Variants in DVL2 observed in about 807,000 individuals in gnomAD.
The protein encoded by DVL2 is dishevelled segment polarity protein 2, also known as segment polarity protein dishevelled homolog DVL-2.
A neutral mutation model predicts 69.8 loss-of-function variants in DVL2; 38 were observed. The ratio of observed to expected loss-of-function variants is 0.54; its 90% CI spans 0.42 to 0.71. The LOEUF is 0.71. DVL2 is among the 30% of genes least tolerant of loss of function. DVL2 has a pLI of 0.00. For missense variants in DVL2, 931 were observed against 1,008.1 expected (o/e 0.92, Z 1.04); for synonymous variants, 428 against 392.4 (o/e 1.09, Z -1.07).
chr17:7,226,119 C>T lies in DVL2; in HGVS notation c.1957G>A (p.Gly653Arg), dbSNP rs143663171. The change falls in exon 15 of 15, where the codon GGG becomes AGG. Residue 653 changes from glycine to arginine, a missense_variant. Transcript: ENST00000005340. ...TGGGCTCGGAGATTAGGGGCACCCC[C>T]AGTTGAGCCTCTGGATGGAGGAGGG... ...GGPPPSRGSTGGAPNLRAHPG... is the reference protein window; with the variant it reads ...GGPPPSRGSTRGAPNLRAHPG... 1.5e-4 allele frequency: 234 copies of T among 1,599,594 alleles called. 1 individual carries two copies. The East Asian group carries it at 5.2e-3, about 35-fold the overall frequency.
At position 7,234,246 on chromosome 17, in the gene DVL2, G is replaced by A; in HGVS notation, c.17C>T (p.Thr6Ile). 7 of 1,578,812 alleles carry A rather than the reference G, an allele frequency of 4.4e-6. No individual in the cohort carries two copies. The highest frequency in any genetic ancestry group is 6.0e-6 in the Non-Finnish European group (7 of 1,161,154). The change falls in exon 1 of 15, where the codon ACT becomes ATT. Residue 6 changes from threonine (T) to isoleucine (I), a missense_variant. Coordinates refer to ENST00000005340, the MANE Select transcript of DVL2 (RefSeq NM_004422.3). MAGSS[T>I]GGGGVGETKV... ...CGTCTCCCCAACCCCACCGCCCCCA[G>A]TGCTGCTACCCGCCATGGTCTCGCC...
chr17:7,228,109 T>C lies in DVL2; in HGVS notation c.1035-65A>G, dbSNP rs1026789448. 3.7e-6 allele frequency: 5 copies of C among 1,344,946 alleles called. No individual in the cohort carries two copies. The Admixed American group carries it at 6.9e-5, about 19-fold the overall frequency. 83.3% of individuals were successfully genotyped at this position (1,344,946 alleles called of 1,614,324 possible). Reference sequence around the variant, plus strand: ...AGGAGGCCTCAGGAGGGCGGGGGTCTGAAGCAAGGATGGATTAAGAGACAC... The same window carrying C: ...AGGAGGCCTCAGGAGGGCGGGGGTCCGAAGCAAGGATGGATTAAGAGACAC... On this transcript the variant is annotated intron_variant, in intron 9 of 14. Coordinates refer to ENST00000005340, the MANE Select transcript of DVL2 (RefSeq NM_004422.3).
At position 7,227,552 on chromosome 17, in the gene DVL2, C is replaced by T. The variant is rs768678319; in HGVS notation, c.1232-17G>A. On this transcript the variant is annotated splice_polypyrimidine_tract_variant and intron_variant, in intron 11 of 14. Coordinates refer to ENST00000005340, the MANE Select transcript of DVL2 (RefSeq NM_004422.3). Reference sequence around the variant, plus strand: ...CTTCACAGCCTGGCAGAGGAGACAACGGGTAACCAGAGTCAGGGATCGCTC... The same window carrying T: ...CTTCACAGCCTGGCAGAGGAGACAATGGGTAACCAGAGTCAGGGATCGCTC... 1.1e-5 allele frequency: 17 copies of T among 1,613,202 alleles called. No individual in the cohort carries two copies. The highest frequency in any genetic ancestry group is 3.3e-5 in the Admixed American group (2 of 60,002).
Position 7,234,456 on chromosome 17 carries a change from C to G in DVL2, c.-194G>C. 1 of 644,438 alleles carries G rather than the reference C, an allele frequency of 1.6e-6. No homozygotes were observed. Among genetic ancestry groups the G allele is most frequent in the Non-Finnish European group, 2.5e-6 (1 of 405,116 alleles). The allele number at this position is 644,438 out of a possible 1,614,324, so 39.9% of individuals were successfully genotyped here. A position where few individuals can be genotyped will look rare whatever the true frequency, so the allele number is the denominator to read the frequency against. ...CGGGCCGCGGGGTGCGACTCAAAGC[C>G]CCGGTCTCAGCGGCCGCCGCGCGCC... is the stretch of plus-strand genomic sequence containing the variant. On this transcript the variant is annotated 5_prime_UTR_variant, in exon 1 of 15. Coordinates refer to ENST00000005340, the MANE Select transcript of DVL2 (RefSeq NM_004422.3).
rs1401148680 is a variant in DVL2 at position 7,230,439 on chromosome 17, G to A, written c.265-9C>T. 3.1e-6 allele frequency: 5 copies of A among 1,613,184 alleles called. No individual in the cohort carries two copies. Among genetic ancestry groups the A allele is most frequent in the African/African-American group, 1.3e-5 (1 of 74,894 alleles). On this transcript the variant is annotated splice_polypyrimidine_tract_variant and intron_variant, in intron 2 of 14. Transcript: ENST00000005340. ...TTATCTGAGGACACCAGCTAGAAGG[G>A]TGCAAATGATAAACAGTGGCTCACT...
In DVL2 at chr17:7,226,296, A is replaced by T. The variant is rs1375212072; in HGVS notation, c.1780T>A (p.Ser594Thr). 1 of 1,573,986 alleles carries T rather than the reference A, an allele frequency of 6.4e-7. No individual in the cohort carries two copies. The highest frequency in any genetic ancestry group is 1.4e-5 in the African/African-American group (1 of 73,394). ...QHSEGSRSSGSTRSDGGAGRT... is the reference protein window; with the variant it reads ...QHSEGSRSSGTTRSDGGAGRT... ...CCTGCCCCCCCATCACTCCGTGTCG[A>T]CCCACTGCTCCGGCTGCCTGTGGAG... is the stretch of plus-strand genomic sequence containing the variant. The change falls in exon 15 of 15, where the codon TCG becomes ACG. Residue 594 changes from serine to threonine, a missense_variant. Around this residue, in one of 3 missense-constraint regions of DVL2, gnomAD observed 314 missense variants for 313.7 expected, o/e 1.00. Coordinates refer to ENST00000005340, the MANE Select transcript of DVL2 (RefSeq NM_004422.3).
At position 7,229,991 on chromosome 17, in the gene DVL2, C is replaced by T; in HGVS notation, c.521-48G>A. The T allele has an allele frequency of 6.2e-7, 1 of 1,610,568 alleles. No individual in the cohort carries two copies. Among genetic ancestry groups the T allele is most frequent in the Non-Finnish European group, 8.5e-7 (1 of 1,179,778 alleles). ...AGAACCAAGCTTCCCCCTGCTCACCCCACCAAGGCTGGGGTCTGGCCCAGC... is the reference window on the plus strand; with the variant it reads ...AGAACCAAGCTTCCCCCTGCTCACCTCACCAAGGCTGGGGTCTGGCCCAGC... On this transcript the variant is annotated intron_variant, in intron 4 of 14. Coordinates refer to ENST00000005340, the MANE Select transcript of DVL2 (RefSeq NM_004422.3). This position sits in a 1 kb window ranked among gnomAD's most constrained non-coding sequence, Gnocchi z 4.4.
At chr17:7,227,941 C>G (rs1406657328) in intron 10 of DVL2, 36 bp downstream of exon 10, 10 of 1,575,194 alleles carry the variant, frequency 6.3e-6, no homozygotes, top group Non-Finnish European at 6.9e-6. Context: ...GCAGCCCCCA[C>G]CCCCAACTTC....
chr17:7,230,636 G>T, intron 2 of DVL2, 92 bp downstream of exon 2: 1 of 1,391,056 alleles, frequency 7.2e-7, no homozygotes, highest in South Asian at 1.3e-5. Flanking sequence ...GGCTGCTAAC[G>T]CGCGGCCTGG....
Position 7,227,083 on chromosome 17 carries a change from G to C in DVL2, c.1543+7C>G. On this transcript the variant is annotated splice_region_variant and intron_variant, in intron 13 of 14. Transcript: ENST00000005340. The stretch of plus-strand genomic sequence containing the variant: ...CACACTCCCAGAGTTGGGGCAGGGG[G>C]ACTTACAGCTCTCACAGCCACCACT... The C allele has an allele frequency of 6.2e-7, 1 of 1,603,684 alleles. No homozygotes were observed. The highest frequency in any genetic ancestry group is 8.5e-7 in the Non-Finnish European group (1 of 1,174,282).
Position 7,227,153 on chromosome 17 carries a change from T to C in DVL2, c.1480A>G (p.Lys494Glu), listed in dbSNP as rs758847437. ...TAGCACTGCTCAGAGAAGGTGATCTTGTTGACGGTGTGTCGGATCAGGCCT... is the reference window on the plus strand; with the variant it reads ...TAGCACTGCTCAGAGAAGGTGATCTCGTTGACGGTGTGTCGGATCAGGCCT... Reference protein sequence around the residue: ...KAGLIRHTVNKITFSEQCYYV... With the variant: ...KAGLIRHTVNEITFSEQCYYV... Residue 494 changes from lysine to glutamate, a missense_variant, in exon 13 of 15, where the codon AAG becomes GAG. Coordinates refer to ENST00000005340, the MANE Select transcript of DVL2 (RefSeq NM_004422.3). The C allele has an allele frequency of 1.2e-6, 2 of 1,614,036 alleles. No homozygotes were observed. The highest frequency in any genetic ancestry group is 1.3e-5 in the African/African-American group (1 of 74,930).
Position 7,226,235 on chromosome 17 carries a change from G to A in DVL2, c.1841C>T (p.Ser614Phe). 2 of 1,611,932 alleles carry A rather than the reference G, an allele frequency of 1.2e-6. No homozygotes were observed. Among genetic ancestry groups the A allele is most frequent in the Non-Finnish European group, 8.5e-7 (1 of 1,179,654 alleles). The change falls in exon 15 of 15, where the codon TCC (serine) becomes TTC (phenylalanine). Residue 614 changes from serine (S) to phenylalanine (F), a missense_variant. Physicochemically the swap from Ser to Phe is radical, Grantham distance 155. Transcript: ENST00000005340. ...TGRPEERAPE[S>F]KSGSGSESEP... ...AGACTCACTGCCACTGCCGGACTTGGACTCGGGGGCCCGCTCCTCGGGCCT... is the reference window on the plus strand; with the variant it reads ...AGACTCACTGCCACTGCCGGACTTGAACTCGGGGGCCCGCTCCTCGGGCCT...
In DVL2 at chr17:7,225,586, A is replaced by C; in HGVS notation, c.*279T>G. On this transcript the variant is annotated 3_prime_UTR_variant, in exon 15 of 15. Transcript: ENST00000005340. ...ATGGGAATTCTTCATATAAAAGAGG[A>C]AATGCCTATTAAAAAAGTCCCAAAA... is the stretch of plus-strand genomic sequence containing the variant. The C allele has an allele frequency of 2.0e-6, 1 of 497,262 alleles. No homozygotes were observed. Among genetic ancestry groups the C allele is most frequent in the Non-Finnish European group, 3.6e-6 (1 of 279,794 alleles). 30.8% of individuals were successfully genotyped at this position (497,262 alleles called of 1,614,324 possible).
intron 1 of DVL2, among the ~76,000 whole-genome samples, chr17:7,233,087 CAAAA>C (rs59984818): frequency 2.8e-4 from 10 of 36,282 alleles, no homozygotes; most frequent in South Asian, 1.1e-3. Flanking sequence ...GAGACTGTCT[CAAAA>C]AAAAAAAAAA....
chr17:7,230,273 TG>T lies in DVL2; in HGVS notation c.410+11del. On this transcript the variant is annotated intron_variant, in intron 3 of 14. Transcript: ENST00000005340. ...CCTCCCTCCCCTGCAGTCAAGAATCTGAAGGACTCACTGGAAGGATGGAGGC... is the reference window on the plus strand; with the variant it reads ...CCTCCCTCCCCTGCAGTCAAGAATCTAAGGACTCACTGGAAGGATGGAGGC... The T allele has an allele frequency of 6.2e-7, 1 of 1,614,018 alleles. No individual in the cohort carries two copies. The highest frequency in any genetic ancestry group is 8.5e-7 in the Non-Finnish European group (1 of 1,179,988).
At position 7,229,404 on chromosome 17, in the gene DVL2, T is replaced by C. The variant is rs766953260; in HGVS notation, c.791A>G (p.Asn264Ser). 117 of 1,613,794 alleles carry C rather than the reference T, an allele frequency of 7.3e-5. 1 individual carries two copies. The highest frequency in any genetic ancestry group is 1.8e-4 in the South Asian group (16 of 91,094). Residue 264 changes from asparagine (N) to serine (S), a missense_variant, in exon 7 of 15, where the codon AAT becomes AGT. Coordinates refer to ENST00000005340, the MANE Select transcript of DVL2 (RefSeq NM_004422.3). The surrounding 1 kb of genome is among the most constrained non-coding windows in gnomAD (Gnocchi z 4.4). ...SSVTDSTMSL[N>S]IITVTLNMEK... ...CATGTTTAGCGTGACTGTGATGATA[T>C]TGAGAGACATTGTGGAATCTGTGAC... is the stretch of plus-strand genomic sequence containing the variant.
rs1182316426 is a variant in DVL2, at chr17:7,229,427, G to A, written c.768C>T (p.Val256=). The change falls in exon 7 of 15, where the codon GTC becomes GTT. Residue 256 remains valine (V), a synonymous_variant. Coordinates refer to ENST00000005340, the MANE Select transcript of DVL2 (RefSeq NM_004422.3). The surrounding 1 kb of genome is among the most constrained non-coding windows in gnomAD (Gnocchi z 4.4). The part of the protein sequence containing the change: ...RLERTSSFSS[V]TDSTMSLNII... Reference sequence around the variant, plus strand: ...TATTGAGAGACATTGTGGAATCTGTGACGCTGCTGAAGGATGACGTCTGTG... The same window carrying A: ...TATTGAGAGACATTGTGGAATCTGTAACGCTGCTGAAGGATGACGTCTGTG... The A allele has an allele frequency of 1.2e-6, 2 of 1,614,050 alleles. No individual in the cohort carries two copies. Among genetic ancestry groups the A allele is most frequent in the South Asian group, 2.2e-5 (2 of 91,088 alleles).
rs2071479134 is a variant in DVL2, at chr17:7,227,693, G to A, written c.1193C>T (p.Ser398Phe). 1 of 1,613,570 alleles carries A rather than the reference G, an allele frequency of 6.2e-7. No individual in the cohort carries two copies. Among genetic ancestry groups the A allele is most frequent in the South Asian group, 1.1e-5 (1 of 90,982 alleles). ...GTFPAYPGSS[S>F]MSTITSGSSL... Reference sequence around the variant, plus strand: ...CGATCCAGATGTAATGGTGCTCATGGAGGAGGAACCTGGATAGGCTGGGAA... The same window carrying A: ...CGATCCAGATGTAATGGTGCTCATGAAGGAGGAACCTGGATAGGCTGGGAA... The change falls in exon 11 of 15, where the codon TCC becomes TTC. Residue 398 changes from serine to phenylalanine, a missense_variant. Ser to Phe is a radical substitution (Grantham distance 155). This residue lies in a region of DVL2 where 555 missense variants were observed against 588.8 expected (regional missense o/e 0.94). Coordinates refer to ENST00000005340, the MANE Select transcript of DVL2 (RefSeq NM_004422.3).
At position 7,229,983 on chromosome 17, in the gene DVL2, T is replaced by C. The variant is rs2071517218; in HGVS notation, c.521-40A>G. On this transcript the variant is annotated intron_variant, in intron 4 of 14. Coordinates refer to ENST00000005340, the MANE Select transcript of DVL2 (RefSeq NM_004422.3). The surrounding 1 kb of genome is among the most constrained non-coding windows in gnomAD (Gnocchi z 4.4). ...GAAGCTCAAGAACCAAGCTTCCCCC[T>C]GCTCACCCCACCAAGGCTGGGGTCT... 1 of 1,609,750 alleles carries C rather than the reference T, an allele frequency of 6.2e-7. No homozygotes were observed. The highest frequency in any genetic ancestry group is 1.1e-5 in the South Asian group (1 of 91,062).
Sources: gnomAD v4.1 joint callset for allele counts (sites outside exome capture counted in the v4.1 genomes callset) on GRCh38, gnomAD v4.1.1 for gene constraint, gnomAD v4.1.1 regional missense constraint, Gnocchi (gnomAD v3.1) non-coding constraint, MANE v1.5 for transcripts, NCBI Gene and HGNC (gene_info 2026-07-23, HGNC 2026-07-21) for gene names.